ATF6: variants seen among roughly 807,000 people sequenced by gnomAD.
ATF6 encodes activating transcription factor 6.
In ATF6, 53 loss-of-function variants were observed where a neutral mutation model predicts 83.6. That is an observed-to-expected ratio of 0.63 (90% CI 0.51 to 0.80). ATF6 has a LOEUF of 0.80. ATF6 is among the 30% of genes least tolerant of loss of function. The pLI, the probability that ATF6 is intolerant of heterozygous loss-of-function variation, is 0.00. For synonymous variants in ATF6, 288 were observed against 285.8 expected (o/e 1.01, Z -0.08); for missense variants, 744 against 797.9 (o/e 0.93, Z 0.81).
At chr1:161,802,017 G>A in intron 6 of ATF6, 35 bp from the exon 7 acceptor site, 1 of 1,605,414 alleles carries the variant, frequency 6.2e-7, no homozygotes, top group Non-Finnish European at 8.5e-7. Context: ...CAGTAGTTGT[G>A]TACCCTTTGA....
At chr1:161,837,556 G>T (rs1273622202) in intron 9 of ATF6, among the ~76,000 whole-genome samples, 1 of 151,858 alleles carries the variant, frequency 6.6e-6, no homozygotes, top group African/African-American at 2.4e-5. Flanking sequence ...TTCTGTCTCA[G>T]CCCTTTCCCA....
chr1:161,780,673 G>A (rs1470297920), intron 2 of ATF6, among the ~76,000 whole-genome samples: 2 of 151,878 alleles, frequency 1.3e-5, no homozygotes, highest in African/African-American at 4.8e-5. Context: ...GCACCCGGCC[G>A]AGGTGTATTT....
At chr1:161,771,274 A>T (rs531045918) in intron 1 of ATF6, among the ~76,000 whole-genome samples, 1 of 151,460 alleles carries the variant, frequency 6.6e-6, no homozygotes, top group African/African-American at 2.4e-5. Context: ...TGTACTTAAG[A>T]TATGTGTATC....
chr1:161,775,429 C>CTCTATCATTCTG lies in ATF6; in HGVS notation c.83-2803_83-2792dup, dbSNP rs543068535. Among the ~76,000 whole-genome samples the CTCTATCATTCTG allele has an allele frequency of 4.0e-3, 615 of 152,284 alleles. 8 individuals carry two copies. The highest frequency in any genetic ancestry group is 0.014 in the African/African-American group (599 of 41,538). On this transcript the variant is annotated intron_variant, in intron 1 of 15. Coordinates refer to ENST00000367942, the MANE Select transcript of ATF6 (RefSeq NM_007348.4). Reference sequence around the variant, plus strand: ...TGGTTGCCAAATGGTAACTATCTAACTCTATCATTCTGTCTATCATTCTAT... The same window carrying CTCTATCATTCTG: ...TGGTTGCCAAATGGTAACTATCTAACTCTATCATTCTGTCTATCATTCTGTCTATCATTCTAT...
intron 14 of ATF6, among the ~76,000 whole-genome samples, chr1:161,894,790 G>A (rs6660014): frequency 0.26 from 38,335 of 147,246 alleles, 8,437 homozygotes; most frequent in African/African-American, 0.61. Context: ...GACCTCGTGA[G>A]CCACCCGCCT....
At chr1:161,808,546 T>C (rs1685361016) in intron 7 of ATF6, among the ~76,000 whole-genome samples, 1 of 152,102 alleles carries the variant, frequency 6.6e-6, no homozygotes, top group African/African-American at 2.4e-5. Context: ...CTAAAAACTT[T>C]TCTCATTCCT....
chr1:161,778,358 T>G lies in ATF6; in HGVS notation c.159+38T>G, dbSNP rs1684567827. 4.6e-6 allele frequency: 7 copies of G among 1,515,890 alleles called. 1 individual carries two copies. The highest frequency in any genetic ancestry group is 3.5e-5 in the Admixed American group (2 of 57,912). The allele number at this position is 1,515,890 out of a possible 1,614,324, so 93.9% of individuals were successfully genotyped here. On this transcript the variant is annotated intron_variant, in intron 2 of 15. Coordinates refer to ENST00000367942, the MANE Select transcript of ATF6 (RefSeq NM_007348.4). ...TAAGGTTGAATAATGTGATATTTAG[T>G]CTTTAACCCTAATTATTGCAAGAAA...
intron 4 of ATF6, among the ~76,000 whole-genome samples, chr1:161,788,546 G>A (rs1046969327): frequency 1.6e-4 from 24 of 151,794 alleles, no homozygotes; most frequent in Admixed American, 1.3e-4. Context: ...AGTATAAATA[G>A]TTAATTTTCA....
chr1:161,851,141 TACACACAC>T (rs35398462), intron 10 of ATF6, among the ~76,000 whole-genome samples: 29 of 135,874 alleles, frequency 2.1e-4, no homozygotes, highest in Admixed American at 1.9e-3. Flanking sequence ...ATCCTTAACA[TACACACAC>T]ACACACACAC....
At chr1:161,941,852 G>T (rs531198525) in intron 15 of ATF6, among the ~76,000 whole-genome samples, 38 of 152,256 alleles carry the variant, frequency 2.5e-4, no homozygotes, top group Admixed American at 2.1e-3. Context: ...TTCCCCTTTG[G>T]AACTGTTTCC....
intron 1 of ATF6, among the ~76,000 whole-genome samples, chr1:161,777,057 CT>C (rs1161610611): frequency 1.3e-5 from 2 of 152,136 alleles, no homozygotes; most frequent in Non-Finnish European, 2.9e-5. Flanking sequence ...TATGTTAATG[CT>C]GTTGATAGGT....
At chr1:161,946,410 A>G (rs1688748574) in intron 15 of ATF6, among the ~76,000 whole-genome samples, 1 of 152,202 alleles carries the variant, frequency 6.6e-6, no homozygotes, top group African/African-American at 2.4e-5. Flanking sequence ...CTCCAGAAAG[A>G]CTATGTTTTT....
chr1:161,794,846 G>GA (rs1363109152), intron 6 of ATF6, among the ~76,000 whole-genome samples: 1 of 152,188 alleles, frequency 6.6e-6, no homozygotes, highest in African/African-American at 2.4e-5. Flanking sequence ...GAATATCAAT[G>GA]AAAGTGGAGA....
intron 15 of ATF6, among the ~76,000 whole-genome samples, chr1:161,923,828 A>G (rs1023120145): frequency 3.3e-5 from 5 of 152,214 alleles, no homozygotes; most frequent in African/African-American, 1.2e-4. Flanking sequence ...AGTGACCTTC[A>G]GAGTCCTGTT....
At chr1:161,944,902 A>C (rs939192001) in intron 15 of ATF6, among the ~76,000 whole-genome samples, 3 of 152,254 alleles carry the variant, frequency 2.0e-5, no homozygotes, top group African/African-American at 7.2e-5. Flanking sequence ...CCAATAAGTC[A>C]GGCCATTGGT....
At chr1:161,845,451 C>T (rs1040620617) in intron 9 of ATF6, among the ~76,000 whole-genome samples, 3 of 152,092 alleles carry the variant, frequency 2.0e-5, no homozygotes, top group African/African-American at 7.2e-5. Context: ...AGCCAAGTTC[C>T]TAAGCACTAT....
At chr1:161,842,721 A>T (rs1035710500) in intron 9 of ATF6, among the ~76,000 whole-genome samples, 10 of 152,196 alleles carry the variant, frequency 6.6e-5, no homozygotes, top group East Asian at 1.9e-4. Context: ...ATCTCACCAA[A>T]TGCCACCTGT....
intron 10 of ATF6, among the ~76,000 whole-genome samples, chr1:161,848,736 A>G (rs1192738366): frequency 6.6e-6 from 1 of 152,118 alleles, no homozygotes; most frequent in Admixed American, 6.6e-5. Flanking sequence ...GCTCCCTAGC[A>G]CTGTCCTTTA....
intron 15 of ATF6, among the ~76,000 whole-genome samples, chr1:161,937,190 A>C (rs972346522): frequency 6.6e-6 from 1 of 151,944 alleles, no homozygotes; most frequent in Admixed American, 6.6e-5. Context: ...AAATACAAAA[A>C]TTGGCCAGGT....
Sources: gnomAD v4.1 joint callset for allele counts (sites outside exome capture counted in the v4.1 genomes callset) on GRCh38, gnomAD v4.1.1 for gene constraint, MANE v1.5 for transcripts, NCBI Gene and HGNC (gene_info 2026-07-23, HGNC 2026-07-21) for gene names.